Variants in KCNH7 observed in about 807,000 individuals in gnomAD.
KCNH7 encodes potassium voltage-gated channel subfamily H member 7.
Under a neutral mutation model 120.8 loss-of-function variants are expected in KCNH7, and 49 were observed. The observed-to-expected ratio is 0.41, with a 90% confidence interval of 0.32 to 0.51. KCNH7 has a LOEUF of 0.51. Among genes scored for constraint, KCNH7 ranks in the 20% least tolerant of loss-of-function variants. The pLI, the probability that KCNH7 is intolerant of heterozygous loss-of-function variation, is 0.38. For missense variants in KCNH7, 1,097 were observed against 1,446.6 expected (o/e 0.76, Z 3.92); for synonymous variants, 547 against 516.1 (o/e 1.06, Z -0.81).
intron 3 of KCNH7, among the ~76,000 whole-genome samples, chr2:162,525,882 T>C (rs1691686900): frequency 6.6e-6 from 1 of 151,938 alleles, no homozygotes. Context: ...GGGGGCTCTC[T>C]GGTGTGGTTA....
chr2:162,399,769 C>CA (rs1249287936), intron 10 of KCNH7, among the ~76,000 whole-genome samples: 2 of 151,814 alleles, frequency 1.3e-5, no homozygotes, highest in African/African-American at 4.8e-5. Context: ...TGAAATTCAT[C>CA]AAAACATAAA....
intron 2 of KCNH7, among the ~76,000 whole-genome samples, chr2:162,751,361 C>A (rs1688543091): frequency 6.6e-6 from 1 of 151,820 alleles, no homozygotes; most frequent in South Asian, 2.1e-4. Context: ...ACTAATTTAC[C>A]TTTTTCTGCT....
chr2:162,401,288 C>T (rs1687057623), intron 9 of KCNH7, among the ~76,000 whole-genome samples: 1 of 151,880 alleles, frequency 6.6e-6, no homozygotes, highest in Non-Finnish European at 1.5e-5. Context: ...GCATTCAACT[C>T]TTGCTTCTCT....
At chr2:162,819,700 G>A (rs748536864) in intron 2 of KCNH7, among the ~76,000 whole-genome samples, 2 of 152,098 alleles carry the variant, frequency 1.3e-5, no homozygotes, top group African/African-American at 2.4e-5. Flanking sequence ...TAGTTTGGAG[G>A]CAGGACAATA....
chr2:162,801,966 T>C (rs1684366538), intron 2 of KCNH7, among the ~76,000 whole-genome samples: 1 of 151,734 alleles, frequency 6.6e-6, no homozygotes, highest in South Asian at 2.1e-4. Flanking sequence ...ATCTTATCCA[T>C]CAGTTAACAA....
chr2:162,473,594 C>T (rs1322712631), intron 6 of KCNH7, among the ~76,000 whole-genome samples: 5 of 152,116 alleles, frequency 3.3e-5, no homozygotes, highest in African/African-American at 7.2e-5. Flanking sequence ...ACTCCCAAAT[C>T]ATTTATTTAT....
chr2:162,464,599 T>C (rs1049889645), intron 6 of KCNH7, among the ~76,000 whole-genome samples: 3 of 152,010 alleles, frequency 2.0e-5, no homozygotes, highest in Non-Finnish European at 4.4e-5. Flanking sequence ...GCATTTGACA[T>C]CTTACTGTTA....
At chr2:162,806,363 T>A (rs1325057694) in intron 2 of KCNH7, among the ~76,000 whole-genome samples, 7 of 152,340 alleles carry the variant, frequency 4.6e-5, no homozygotes, top group Non-Finnish European at 1.0e-4. Context: ...GATAATAAAA[T>A]ACTATTTATA....
rs1692929002 is a variant in KCNH7 at position 162,558,243 on chromosome 2, C to T, written c.308-21163G>A. On this transcript the variant is annotated intron_variant, in intron 2 of 15. Coordinates refer to ENST00000332142, the MANE Select transcript of KCNH7 (RefSeq NM_033272.4). ...AGGCTGGAGTACAGTGGCACGATCT[C>T]GGCTCACTTCAAGCTCTGCCTCCTG... Among the ~76,000 whole-genome samples, 2 of 151,586 alleles carry T rather than the reference C, an allele frequency of 1.3e-5. 1 individual carries two copies. The highest frequency in any genetic ancestry group is 4.2e-4 in the South Asian group (2 of 4,814).
At chr2:162,497,680 A>G (rs563134427) in intron 6 of KCNH7, among the ~76,000 whole-genome samples, 2 of 152,322 alleles carry the variant, frequency 1.3e-5, no homozygotes, top group East Asian at 3.9e-4. Context: ...ATCATTTACT[A>G]TAAGACCTAA....
intron 2 of KCNH7, among the ~76,000 whole-genome samples, chr2:162,720,363 T>C (rs2105372417): frequency 7.3e-6 from 1 of 136,288 alleles, no homozygotes; most frequent in East Asian, 2.1e-4. Context: ...AGAGAGACAA[T>C]GAACCAAAGG....
chr2:162,454,349 T>C (rs1688885269), intron 6 of KCNH7, among the ~76,000 whole-genome samples: 1 of 152,204 alleles, frequency 6.6e-6, no homozygotes, highest in African/African-American at 2.4e-5. Flanking sequence ...TTTTGGTTAC[T>C]GTAGCCATGT....
intron 2 of KCNH7, among the ~76,000 whole-genome samples, chr2:162,655,719 G>A (rs1334471853): frequency 6.6e-6 from 1 of 152,142 alleles, no homozygotes; most frequent in African/African-American, 2.4e-5. Context: ...CTTGAACCTG[G>A]GAGGCGGAGG....
Position 162,520,834 on chromosome 2 carries a change from C to A in KCNH7, c.464-2676G>T, listed in dbSNP as rs543694628. Among the ~76,000 whole-genome samples, 10 of 151,912 alleles carry A rather than the reference C, an allele frequency of 6.6e-5. No homozygotes were observed. The East Asian group carries it at 1.8e-3, about 27-fold the overall frequency. ...CACAATTCCACCCTTCCCCTGTGCT[C>A]CCCTGCTACCAATAACTTTCTCTTT... On this transcript the variant is annotated intron_variant, in intron 3 of 15. Coordinates refer to ENST00000332142, the MANE Select transcript of KCNH7 (RefSeq NM_033272.4).
chr2:162,528,679 T>C (rs1448723181), intron 3 of KCNH7, among the ~76,000 whole-genome samples: 2 of 151,928 alleles, frequency 1.3e-5, no homozygotes, highest in Admixed American at 1.3e-4. Flanking sequence ...TTTTAGGCAA[T>C]AGAGGACCAT....
At chr2:162,752,925 A>AAGAG (rs1688622797) in intron 2 of KCNH7, among the ~76,000 whole-genome samples, 1 of 75,458 alleles carries the variant, frequency 1.3e-5, no homozygotes, top group African/African-American at 8.5e-5. Context: ...AAAGAAAAGA[A>AAGAG]AAGAAAAGAA....
At chr2:162,816,924 C>A (rs1382776485) in intron 2 of KCNH7, among the ~76,000 whole-genome samples, 1 of 152,018 alleles carries the variant, frequency 6.6e-6, no homozygotes, top group Non-Finnish European at 1.5e-5. Context: ...ATATTAAATA[C>A]AAGCCAATTT....
At chr2:162,753,008 G>C (rs1688650216) in intron 2 of KCNH7, among the ~76,000 whole-genome samples, 1 of 147,176 alleles carries the variant, frequency 6.8e-6, no homozygotes, top group Non-Finnish European at 1.5e-5. Flanking sequence ...GAAAAGAAAA[G>C]AAAAGAAAAG....
At chr2:162,653,468 A>G (rs753021296) in intron 2 of KCNH7, among the ~76,000 whole-genome samples, 1 of 152,208 alleles carries the variant, frequency 6.6e-6, no homozygotes, top group Non-Finnish European at 1.5e-5. Context: ...CAAGAAAACA[A>G]TCTCACTTAC....
Sources: gnomAD v4.1 joint callset for allele counts (sites outside exome capture counted in the v4.1 genomes callset) on GRCh38, gnomAD v4.1.1 for gene constraint, MANE v1.5 for transcripts, NCBI Gene and HGNC (gene_info 2026-07-23, HGNC 2026-07-21) for gene names.